Variants in PTPRQ observed in about 807,000 individuals in gnomAD.
The protein encoded by PTPRQ is phosphatidylinositol phosphatase PTPRQ.
PTPRQ carries 199 observed loss-of-function variants against 246.0 expected under a neutral mutation model. That is an observed-to-expected ratio of 0.81 (90% CI 0.72 to 0.91). The LOEUF (loss-of-function observed/expected upper bound fraction) is 0.91, where lower values mean the gene tolerates loss of function less well. Among genes scored for constraint, PTPRQ ranks in the 40% least tolerant of loss-of-function variants. The probability of loss-of-function intolerance (pLI) is 0.00; values close to 1 mark genes in which losing one functional copy is unlikely to be tolerated. For synonymous variants in PTPRQ, 869 were observed against 853.2 expected, an observed-to-expected ratio of 1.02 and a Z score of -0.32; for missense variants, 2,624 against 2,528.4, an observed-to-expected ratio of 1.04 and a Z score of -0.81.
At chr12:80,642,397 G>A (rs1314557222) in intron 35 of PTPRQ, among the ~76,000 whole-genome samples, 6 of 152,064 alleles carry the variant, frequency 3.9e-5, no homozygotes, top group African/African-American at 1.4e-4. Flanking sequence ...CTGTTGCCCC[G>A]GATGTAGCTA....
At chr12:80,526,546 C>T (rs903033375) in intron 17 of PTPRQ, among the ~76,000 whole-genome samples, 1 of 151,992 alleles carries the variant, frequency 6.6e-6, no homozygotes, top group African/African-American at 2.4e-5. Context: ...TGATCAAAGG[C>T]CAAAATAGTA....
chr12:80,533,336 A>G (rs1176744681), intron 17 of PTPRQ, among the ~76,000 whole-genome samples: 2 of 151,862 alleles, frequency 1.3e-5, no homozygotes, highest in African/African-American at 4.8e-5. Flanking sequence ...TTTGATATGT[A>G]CTTGGAGAGT....
chr12:80,527,406 T>C (rs1895718823), intron 17 of PTPRQ, among the ~76,000 whole-genome samples: 1 of 152,106 alleles, frequency 6.6e-6, no homozygotes, highest in African/African-American at 2.4e-5. Flanking sequence ...ATTTAATTCA[T>C]GATGCTTTAA....
intron 25 of PTPRQ, among the ~76,000 whole-genome samples, chr12:80,551,500 G>T (rs1896474335): frequency 6.6e-6 from 1 of 152,046 alleles, no homozygotes; most frequent in Non-Finnish European, 1.5e-5. Context: ...TCACTTAATT[G>T]AATTGGTTCT....
intron 17 of PTPRQ, among the ~76,000 whole-genome samples, chr12:80,523,743 T>C (rs1895588510): frequency 6.6e-6 from 1 of 152,324 alleles, no homozygotes; most frequent in East Asian, 1.9e-4. Context: ...TTTGTTATAA[T>C]TTCTGTTCTT....
At chr12:80,632,419 A>G in intron 34 of PTPRQ, 128 bp downstream of exon 34, 2 of 1,313,596 alleles carry the variant, frequency 1.5e-6, no homozygotes, top group Non-Finnish European at 2.1e-6. Flanking sequence ...TAGACAGATA[A>G]AAATGTATTT....
chr12:80,502,799 T>A (rs113079814), intron 14 of PTPRQ, among the ~76,000 whole-genome samples: 6,286 of 151,890 alleles, frequency 0.041, 204 homozygotes, highest in Non-Finnish European at 0.061. Flanking sequence ...GTCTTAGGTG[T>A]TGCCATGAAA....
intron 26 of PTPRQ, among the ~76,000 whole-genome samples, chr12:80,590,420 C>T (rs995143214): frequency 2.0e-5 from 3 of 152,058 alleles, no homozygotes; most frequent in African/African-American, 4.8e-5. Context: ...GTAATCCCTG[C>T]ACTTTGAGAG....
In PTPRQ at chr12:80,549,436, T is replaced by C. The variant is rs376752049; in HGVS notation, c.4016-29T>C. ...TATCTACTTACATATGTATACACTT[T>C]AACTTTGGGCATATGTTTATCTCTT... On this transcript the variant is annotated intron_variant, in intron 24 of 44. Coordinates refer to ENST00000644991, the MANE Select transcript of PTPRQ (RefSeq NM_001145026.2). 14 of 1,518,846 alleles carry C rather than the reference T, an allele frequency of 9.2e-6. No individual in the cohort carries two copies. The African/African-American group carries it at 1.4e-4, about 15-fold the overall frequency. 94.1% of individuals were successfully genotyped at this position (1,518,846 alleles called of 1,614,324 possible).
intron 8 of PTPRQ, among the ~76,000 whole-genome samples, chr12:80,473,112 A>G (rs1172781546): frequency 6.6e-6 from 1 of 152,022 alleles, no homozygotes; most frequent in Non-Finnish European, 1.5e-5. Flanking sequence ...TTTGACCATT[A>G]GAGGGCAGTA....
intron 19 of PTPRQ, 72 bp downstream of exon 19, chr12:80,535,109 G>A: frequency 7.3e-7 from 1 of 1,370,426 alleles, no homozygotes; most frequent in South Asian, 1.6e-5. Context: ...ACTTGTCACA[G>A]TAAAAGAAAT....
At chr12:80,459,204 T>C in intron 4 of PTPRQ, 80 bp from the exon 5 acceptor site, 1 of 397,032 alleles carries the variant, frequency 2.5e-6, no homozygotes, top group Non-Finnish European at 4.4e-6. Flanking sequence ...ATATTTAATT[T>C]CATGTACCAT....
chr12:80,657,193 G>C (rs74111040), intron 38 of PTPRQ, among the ~76,000 whole-genome samples: 316 of 151,892 alleles, frequency 2.1e-3, no homozygotes, highest in African/African-American at 7.3e-3. Context: ...GTGAGAAAAT[G>C]TGAAAGGCAG....
chr12:80,455,813 C>G (rs1892964328), intron 3 of PTPRQ, among the ~76,000 whole-genome samples: 1 of 151,934 alleles, frequency 6.6e-6, no homozygotes, highest in African/African-American at 2.4e-5. Context: ...GTTGGTCAGA[C>G]TGGTCTCGAA....
chr12:80,667,826 C>G (rs1900834106), intron 39 of PTPRQ, among the ~76,000 whole-genome samples: 1 of 151,878 alleles, frequency 6.6e-6, no homozygotes, highest in African/African-American at 2.4e-5. Flanking sequence ...AAAGATCCCT[C>G]ACACTTTAAC....
At chr12:80,462,046 C>T (rs60342585) in intron 6 of PTPRQ, 62,454 of 698,662 alleles carry the variant, frequency 0.089, 5,251 homozygotes, top group African/African-American at 0.36. Flanking sequence ...GTGAGAGAGC[C>T]GAAGCAGGGC....
At chr12:80,574,882 G>A (rs1250810037) in intron 25 of PTPRQ, among the ~76,000 whole-genome samples, 2 of 152,108 alleles carry the variant, frequency 1.3e-5, no homozygotes, top group South Asian at 2.1e-4. Context: ...TAAAATATTA[G>A]GCAAGGATTT....
chr12:80,542,321 A>G lies in PTPRQ; in HGVS notation c.3678A>G (p.Gly1226=). 1 of 1,548,306 alleles carries G rather than the reference A, an allele frequency of 6.5e-7. No individual in the cohort carries two copies. Among genetic ancestry groups the G allele is most frequent in the Non-Finnish European group, 8.7e-7 (1 of 1,146,070 alleles). Residue 1226 remains glycine, a synonymous_variant, in exon 22 of 45, where the codon GGA becomes GGG. Transcript: ENST00000644991. The part of the protein sequence containing the change: ...SFFAAARTRK[G]LGPSSILFFY... The stretch of plus-strand genomic sequence containing the variant: ...TTGCTGCCGCAAGAACTAGAAAAGG[A>G]CTTGGTCCTTCCAGTATTCTTTTCT...
chr12:80,493,146 G>T, intron 9 of PTPRQ, 129 bp from the exon 10 acceptor site: 2 of 1,047,680 alleles, frequency 1.9e-6, no homozygotes, highest in Non-Finnish European at 2.5e-6. Context: ...AGAAGACAGT[G>T]GTCATGGAAA....
Sources: allele counts gnomAD v4.1 joint callset (sites outside exome capture counted in the v4.1 genomes callset), GRCh38; gene constraint gnomAD v4.1.1; transcripts MANE v1.5; gene names NCBI Gene and HGNC (gene_info 2026-07-23, HGNC 2026-07-21).